PEX5L: variants seen among roughly 807,000 people sequenced by gnomAD.
The protein encoded by PEX5L is peroxisomal biogenesis factor 5 like.
A neutral mutation model predicts 84.0 loss-of-function variants in PEX5L; 30 were observed. The ratio of observed to expected loss-of-function variants is 0.36; its 90% CI spans 0.27 to 0.48. The LOEUF is 0.48. Ranked by LOEUF, PEX5L falls within the 20% of genes least tolerant of loss-of-function variation. The pLI, the probability that PEX5L is intolerant of heterozygous loss-of-function variation, is 0.99. For missense variants in PEX5L, 533 were observed against 754.6 expected (o/e 0.71, Z 3.44); for synonymous variants, 270 against 283.1 (o/e 0.95, Z 0.46).
At chr3:180,019,782 A>C (rs1790270904) in intron 1 of PEX5L, among the ~76,000 whole-genome samples, 2 of 152,194 alleles carry the variant, frequency 1.3e-5, no homozygotes, top group Admixed American at 1.3e-4. Flanking sequence ...TTATTGTAGA[A>C]TTTTAAATGA....
At chr3:179,897,322 T>C (rs1443383797) in intron 3 of PEX5L, among the ~76,000 whole-genome samples, 1 of 152,034 alleles carries the variant, frequency 6.6e-6, no homozygotes, top group African/African-American at 2.4e-5. Flanking sequence ...ATAAGATAAA[T>C]GCAAGTAAAA....
chr3:179,904,517 G>A (rs1017126771), intron 2 of PEX5L, among the ~76,000 whole-genome samples: 3 of 152,082 alleles, frequency 2.0e-5, no homozygotes, highest in Admixed American at 1.3e-4. Context: ...ACTTTCCTTG[G>A]TCTGAATGAT....
At chr3:180,023,662 C>T (rs6800787) in intron 1 of PEX5L, among the ~76,000 whole-genome samples, 5,263 of 152,106 alleles carry the variant, frequency 0.035, 342 homozygotes, top group African/African-American at 0.12. Context: ...AGACCATCCT[C>T]TATAAAAGCC....
chr3:179,844,250 T>G (rs144712896), intron 8 of PEX5L, among the ~76,000 whole-genome samples: 349 of 152,350 alleles, frequency 2.3e-3, no homozygotes, highest in Middle Eastern at 0.01. Context: ...ATGTCTTTAT[T>G]ACTTGATCCA....
At chr3:179,859,956 G>C (rs1429878122) in intron 7 of PEX5L, among the ~76,000 whole-genome samples, 1 of 152,110 alleles carries the variant, frequency 6.6e-6, no homozygotes, top group Non-Finnish European at 1.5e-5. Flanking sequence ...GAAAATAAGA[G>C]GTGGACCACT....
chr3:179,839,008 G>A (rs1158052667), intron 8 of PEX5L, among the ~76,000 whole-genome samples: 1 of 151,224 alleles, frequency 6.6e-6, no homozygotes, highest in African/African-American at 2.4e-5. Flanking sequence ...TCCAGACTCT[G>A]ATAAAGAAAG....
intron 1 of PEX5L, among the ~76,000 whole-genome samples, chr3:179,990,167 G>A (rs1787248677): frequency 6.6e-6 from 1 of 152,158 alleles, no homozygotes; most frequent in Non-Finnish European, 1.5e-5. Context: ...AAGGTGAATG[G>A]ATCAGATGAG....
chr3:179,887,240 G>C (rs1393691700), intron 4 of PEX5L, among the ~76,000 whole-genome samples: 1 of 152,176 alleles, frequency 6.6e-6, no homozygotes, highest in Non-Finnish European at 1.5e-5. Context: ...CAAAGCTGCA[G>C]GATATTTTGT....
chr3:180,020,892 GTT>G (rs1790365396), intron 1 of PEX5L, among the ~76,000 whole-genome samples: 1 of 152,160 alleles, frequency 6.6e-6, no homozygotes. Context: ...AGATGAATTT[GTT>G]CAACAATTCT....
intron 2 of PEX5L, among the ~76,000 whole-genome samples, chr3:179,966,244 C>A (rs146102363): frequency 0.011 from 1,747 of 152,252 alleles, 20 homozygotes; most frequent in Middle Eastern, 0.02. Flanking sequence ...GCAGGCTGAG[C>A]AGGTGGTCTC....
chr3:179,978,618 T>C (rs1200313778), intron 1 of PEX5L, among the ~76,000 whole-genome samples: 3 of 152,226 alleles, frequency 2.0e-5, no homozygotes, highest in Non-Finnish European at 2.9e-5. Context: ...CTTCAAGTTT[T>C]ATTTTATCTA....
At position 179,809,581 on chromosome 3, in the gene PEX5L, A is replaced by G; in HGVS notation, c.1242T>C (p.Cys414=). Reference sequence around the variant, plus strand: ...GCTTAATCCAATTCTTCAGAGCGTCACAGGCATCCTGCTGATGGCCAGTGT... The same window carrying G: ...GCTTAATCCAATTCTTCAGAGCGTCGCAGGCATCCTGCTGATGGCCAGTGT... ...YTNTGHQQDA[C]DALKNWIKQN... The change falls in exon 12 of 15, where the codon TGT becomes TGC. Residue 414 remains cysteine, a synonymous_variant. Transcript: ENST00000467460. The G allele has an allele frequency of 6.2e-7, 1 of 1,613,940 alleles. No individual in the cohort carries two copies. The highest frequency in any genetic ancestry group is 8.5e-7 in the Non-Finnish European group (1 of 1,179,850).
chr3:179,935,899 C>G (rs1774441569), intron 2 of PEX5L, among the ~76,000 whole-genome samples: 3 of 152,154 alleles, frequency 2.0e-5, no homozygotes, highest in Admixed American at 2.0e-4. Context: ...CTCATTTTGG[C>G]TCTTTCTTTT....
At chr3:179,814,177 A>G (rs1259714271) in intron 10 of PEX5L, among the ~76,000 whole-genome samples, 2 of 152,102 alleles carry the variant, frequency 1.3e-5, no homozygotes, top group Non-Finnish European at 2.9e-5. Context: ...GTTCAACCCC[A>G]TTTCACTGTA....
intron 1 of PEX5L, among the ~76,000 whole-genome samples, chr3:180,016,457 A>G (rs1257628922): frequency 2.0e-5 from 3 of 152,370 alleles, no homozygotes; most frequent in South Asian, 2.1e-4. Flanking sequence ...CAGTTCACCT[A>G]TCTCTGCAAC....
At chr3:179,900,714 T>A in intron 2 of PEX5L, 2 of 1,535,796 alleles carry the variant, frequency 1.3e-6, no homozygotes, top group Non-Finnish European at 1.7e-6. Flanking sequence ...TGCCACTTTT[T>A]CTTCAAGGTT....
At chr3:179,967,340 GC>G (rs2110183793) in intron 2 of PEX5L, among the ~76,000 whole-genome samples, 1 of 152,242 alleles carries the variant, frequency 6.6e-6, no homozygotes, top group Non-Finnish European at 1.5e-5. Context: ...GTTCTCATTT[GC>G]TAAACTGGGG....
chr3:179,844,200 G>A (rs535229766), intron 8 of PEX5L, among the ~76,000 whole-genome samples: 3 of 152,282 alleles, frequency 2.0e-5, no homozygotes. Flanking sequence ...CCCATTTCAG[G>A]CAACCTGAAG....
intron 13 of PEX5L, 86 bp downstream of exon 13, chr3:179,808,186 G>A: frequency 9.1e-7 from 1 of 1,100,192 alleles, no homozygotes. Context: ...GAAATAAAGT[G>A]CAGAAGAAAT....
Sources: allele counts gnomAD v4.1 joint callset (sites outside exome capture counted in the v4.1 genomes callset), GRCh38; gene constraint gnomAD v4.1.1; transcripts MANE v1.5; gene names NCBI Gene and HGNC (gene_info 2026-07-23, HGNC 2026-07-21).